Variants in SLC39A11 observed in about 807,000 individuals in gnomAD.
SLC39A11 encodes the protein zinc transporter ZIP11.
In SLC39A11, 33 loss-of-function variants were observed where a neutral mutation model predicts 36.1. That is an observed-to-expected ratio of 0.91 (90% confidence interval 0.69 to 1.22). The LOEUF (loss-of-function observed/expected upper bound fraction) is 1.22, where lower values mean the gene tolerates loss of function less well. Ranked by LOEUF, SLC39A11 falls within the 50% of genes most tolerant of loss-of-function variation. SLC39A11 has a pLI of 0.00. For missense variants in SLC39A11, 432 were observed against 430.3 expected, an observed-to-expected ratio of 1.00 and a Z score of -0.03; for synonymous variants, 166 against 170.3, an observed-to-expected ratio of 0.97 and a Z score of 0.20.
chr17:72,961,655 G>T (rs1457461910), intron 4 of SLC39A11, among the ~76,000 whole-genome samples: 1 of 151,876 alleles, frequency 6.6e-6, no homozygotes, highest in South Asian at 2.1e-4. Context: ...ACCAAACACC[G>T]CATGTTCTCA....
At chr17:72,952,554 A>T (rs994966580) in intron 4 of SLC39A11, among the ~76,000 whole-genome samples, 6 of 152,164 alleles carry the variant, frequency 3.9e-5, no homozygotes, top group African/African-American at 1.2e-4. Flanking sequence ...CTTTACCAGG[A>T]CACCTAAAAT....
intron 6 of SLC39A11, among the ~76,000 whole-genome samples, chr17:72,796,556 A>T (rs945961445): frequency 6.6e-6 from 1 of 152,126 alleles, no homozygotes; most frequent in Non-Finnish European, 1.5e-5. Context: ...GGGAAGGGCG[A>T]GTGGCAAAGG....
chr17:72,940,266 G>C (rs1055046350), intron 5 of SLC39A11, among the ~76,000 whole-genome samples: 5 of 143,844 alleles, frequency 3.5e-5, no homozygotes, highest in Middle Eastern at 3.5e-3. Context: ...ATCAGACTTA[G>C]AGCCATCTGA....
At chr17:73,036,323 A>G (rs762914868) in intron 3 of SLC39A11, among the ~76,000 whole-genome samples, 14 of 152,194 alleles carry the variant, frequency 9.2e-5, no homozygotes, top group African/African-American at 2.9e-4. Flanking sequence ...CTGTCCCCAC[A>G]TACCCAAAAC....
intron 4 of SLC39A11, among the ~76,000 whole-genome samples, chr17:72,999,553 T>C (rs1205330692): frequency 3.3e-5 from 5 of 152,196 alleles, no homozygotes; most frequent in African/African-American, 7.2e-5. Context: ...TATTTGGAGA[T>C]AATTTCATAC....
At chr17:72,802,371 CCT>C (rs2077115438) in intron 6 of SLC39A11, among the ~76,000 whole-genome samples, 1 of 151,994 alleles carries the variant, frequency 6.6e-6, no homozygotes, top group Admixed American at 6.6e-5. Context: ...AGGTGGATCC[CCT>C]GAGGTCAGGA....
At chr17:73,006,212 A>C (rs34613403) in intron 4 of SLC39A11, among the ~76,000 whole-genome samples, 82,562 of 152,040 alleles carry the variant, frequency 0.54, 26,137 homozygotes, top group Non-Finnish European at 0.72. Flanking sequence ...TGGAGTTTTT[A>C]TTCTCTACAT....
chr17:72,874,939 A>G (rs1485752664), intron 5 of SLC39A11, among the ~76,000 whole-genome samples: 2 of 152,216 alleles, frequency 1.3e-5, no homozygotes, highest in African/African-American at 4.8e-5. Flanking sequence ...TGTACCCCAA[A>G]TGAAGCTAAA....
intron 4 of SLC39A11, among the ~76,000 whole-genome samples, chr17:72,973,539 T>C (rs772128308): frequency 4.6e-5 from 7 of 152,148 alleles, no homozygotes; most frequent in Admixed American, 1.3e-4. Context: ...GGAGTTCTGT[T>C]AGAAAGACAA....
intron 4 of SLC39A11, among the ~76,000 whole-genome samples, chr17:73,004,550 T>C (rs1408224975): frequency 1.3e-5 from 2 of 152,246 alleles, no homozygotes; most frequent in Non-Finnish European, 2.9e-5. Flanking sequence ...GGCTTCAACA[T>C]ACGAATGTGG....
intron 5 of SLC39A11, among the ~76,000 whole-genome samples, chr17:72,884,919 T>C (rs1331619912): frequency 1.3e-5 from 2 of 152,098 alleles, no homozygotes; most frequent in African/African-American, 4.8e-5. Context: ...TCATTAAATA[T>C]AAAGTGGTAA....
chr17:72,953,925 T>C (rs2086058852), intron 4 of SLC39A11, among the ~76,000 whole-genome samples: 1 of 152,220 alleles, frequency 6.6e-6, no homozygotes, highest in African/African-American at 2.4e-5. Context: ...ACACCTTCTA[T>C]CGCACGGATT....
chr17:72,791,638 T>A (rs1225785171), intron 6 of SLC39A11, among the ~76,000 whole-genome samples: 1 of 152,144 alleles, frequency 6.6e-6, no homozygotes, highest in Non-Finnish European at 1.5e-5. Flanking sequence ...TGGCTCTGTG[T>A]CCCCACCCAA....
chr17:72,829,255 G>C (rs1476680036), intron 6 of SLC39A11, among the ~76,000 whole-genome samples: 2 of 152,032 alleles, frequency 1.3e-5, no homozygotes, highest in East Asian at 3.9e-4. Context: ...AGCTGAGGCA[G>C]CAGGAGGATC....
At chr17:72,951,248 A>C (rs1325590716) in intron 4 of SLC39A11, among the ~76,000 whole-genome samples, 1 of 134,502 alleles carries the variant, frequency 7.4e-6, no homozygotes, top group East Asian at 2.4e-4. Flanking sequence ...GGCAACGGAG[A>C]GTGACCCTGT....
rs111977604 is a variant in SLC39A11 at position 72,681,172 on chromosome 17, C to T, written c.672-31904G>A. ...GAACTCCCGACCTCAGGTGACCCGC[C>T]CACCTCGGCCTCCCAAAGTGCTGGG... On this transcript the variant is annotated intron_variant, in intron 7 of 9. Coordinates refer to ENST00000255559, the MANE Select transcript of SLC39A11 (RefSeq NM_139177.4). Among the ~76,000 whole-genome samples the T allele has an allele frequency of 1.9e-3, 296 of 152,274 alleles. 1 individual carries two copies. Among genetic ancestry groups the T allele is most frequent in the African/African-American group, 6.9e-3 (287 of 41,540 alleles).
At chr17:72,711,625 AC>A (rs1368179305) in intron 7 of SLC39A11, among the ~76,000 whole-genome samples, 37 of 152,214 alleles carry the variant, frequency 2.4e-4, no homozygotes, top group Non-Finnish European at 5.0e-4. Context: ...TAAGTGAAGT[AC>A]TGCAAGTAAC....
chr17:72,797,532 G>A lies in SLC39A11; in HGVS notation c.601+52102C>T, dbSNP rs527349549. The stretch of plus-strand genomic sequence containing the variant: ...AAGGAAAGGCTCTATTTGCTTGGGG[G>A]AATAATGGAAGACAGGGCCAAGTAA... On this transcript the variant is annotated intron_variant, in intron 6 of 9. Transcript: ENST00000255559. Among the ~76,000 whole-genome samples, 5 of 152,188 alleles carry A rather than the reference G, an allele frequency of 3.3e-5. No individual in the cohort carries two copies. In the South Asian group the frequency reaches 8.3e-4, roughly 25 times the overall value.
intron 5 of SLC39A11, among the ~76,000 whole-genome samples, chr17:72,898,847 CT>C (rs2146875862): frequency 6.6e-6 from 1 of 152,324 alleles, no homozygotes; most frequent in South Asian, 2.1e-4. Context: ...CTTCAGAACC[CT>C]CACTCTTTCC....
Sources: gnomAD v4.1 joint callset for allele counts (sites outside exome capture counted in the v4.1 genomes callset) on GRCh38, gnomAD v4.1.1 for gene constraint, MANE v1.5 for transcripts, NCBI Gene and HGNC (gene_info 2026-07-23, HGNC 2026-07-21) for gene names.